PCDH9: variants seen among roughly 807,000 people sequenced by gnomAD.
PCDH9 encodes the protein protocadherin-9.
PCDH9 carries 24 observed loss-of-function variants against 70.6 expected under a neutral mutation model. The observed-to-expected ratio is 0.34, with a 90% CI of 0.25 to 0.48. The LOEUF is 0.48. Ranked by LOEUF, PCDH9 falls within the 20% of genes least tolerant of loss-of-function variation. The probability of loss-of-function intolerance (pLI) is 0.99; values close to 1 mark genes in which losing one functional copy is unlikely to be tolerated. For missense variants in PCDH9, 1,281 were observed against 1,503.6 expected, an observed-to-expected ratio of 0.85 and a Z score of 2.45; for synonymous variants, 562 against 558.5, an observed-to-expected ratio of 1.01 and a Z score of -0.09.
At chr13:66,780,511 A>G (rs1238838741) in intron 3 of PCDH9, among the ~76,000 whole-genome samples, 2 of 152,232 alleles carry the variant, frequency 1.3e-5, no homozygotes, top group Admixed American at 6.5e-5. Flanking sequence ...CTCAAATGCC[A>G]TTCTTTCAGA....
intron 3 of PCDH9, among the ~76,000 whole-genome samples, chr13:66,848,106 T>C (rs1239703784): frequency 6.6e-6 from 1 of 152,200 alleles, no homozygotes; most frequent in Non-Finnish European, 1.5e-5. Context: ...GTATCTCCTA[T>C]ATCCATGCCT....
At chr13:66,681,664 C>T (rs908683775) in intron 3 of PCDH9, among the ~76,000 whole-genome samples, 4 of 152,066 alleles carry the variant, frequency 2.6e-5, no homozygotes, top group Non-Finnish European at 5.9e-5. Flanking sequence ...TGCCTGACTG[C>T]TTCCTTTTAT....
In PCDH9 at chr13:66,364,048, G is replaced by C. The variant is rs140863268; in HGVS notation, c.3341-59020C>G. 5.0e-3 allele frequency among the ~76,000 whole-genome samples: 756 copies of C among 152,056 alleles called. 22 individuals carry two copies. The East Asian group carries it at 0.074, about 15-fold the overall frequency. On this transcript the variant is annotated intron_variant, in intron 4 of 4. Transcript: ENST00000377865. ...CAGGCACCTGTAATCCCAGCTACTC[G>C]GGAAGCTGAGGCAGGAGAATCTCTT...
chr13:67,050,041 G>A (rs1459868731), intron 2 of PCDH9, among the ~76,000 whole-genome samples: 1 of 152,176 alleles, frequency 6.6e-6, no homozygotes, highest in African/African-American at 2.4e-5. Flanking sequence ...AAGATTTCCT[G>A]CAGGTTCTCC....
At chr13:66,373,522 T>C (rs1378818999) in intron 4 of PCDH9, among the ~76,000 whole-genome samples, 2 of 151,888 alleles carry the variant, frequency 1.3e-5, no homozygotes, top group South Asian at 2.1e-4. Flanking sequence ...CTAAATTTTT[T>C]AATTAAAAAA....
chr13:66,511,788 T>G (rs1230470552), intron 4 of PCDH9, among the ~76,000 whole-genome samples: 2 of 152,166 alleles, frequency 1.3e-5, no homozygotes, highest in Admixed American at 1.3e-4. Flanking sequence ...CCATGTGATA[T>G]ACCTGCTCTT....
chr13:67,120,236 T>A (rs979965461), intron 2 of PCDH9, among the ~76,000 whole-genome samples: 1 of 145,310 alleles, frequency 6.9e-6, no homozygotes, highest in African/African-American at 2.5e-5. Flanking sequence ...ATTGATATCC[T>A]GAAAAAGGCT....
chr13:66,980,078 CT>C (rs2083707689), intron 2 of PCDH9, among the ~76,000 whole-genome samples: 1 of 147,018 alleles, frequency 6.8e-6, no homozygotes, highest in Non-Finnish European at 1.5e-5. Context: ...AATTATCCAT[CT>C]CTATCTATCT....
At chr13:67,101,850 T>C (rs542646907) in intron 2 of PCDH9, among the ~76,000 whole-genome samples, 1 of 152,096 alleles carries the variant, frequency 6.6e-6, no homozygotes, top group Non-Finnish European at 1.5e-5. Flanking sequence ...GGATAACTAA[T>C]AGTGTTAAAT....
chr13:66,655,303 T>C (rs1200180201), intron 3 of PCDH9, among the ~76,000 whole-genome samples: 2 of 152,120 alleles, frequency 1.3e-5, no homozygotes, highest in Non-Finnish European at 2.9e-5. Context: ...AAAAGAGCTG[T>C]ACAGAATAAG....
At chr13:66,816,693 C>G (rs1268586610) in intron 3 of PCDH9, among the ~76,000 whole-genome samples, 1 of 152,042 alleles carries the variant, frequency 6.6e-6, no homozygotes, top group East Asian at 1.9e-4. Context: ...GAGGCCAAGG[C>G]AGGTGGATCA....
intron 2 of PCDH9, among the ~76,000 whole-genome samples, chr13:66,936,056 G>C (rs1392061103): frequency 6.6e-6 from 1 of 152,180 alleles, no homozygotes; most frequent in Non-Finnish European, 1.5e-5. Flanking sequence ...CTGCACTCCA[G>C]CTTGGCAACA....
chr13:66,707,798 T>C (rs563520736), intron 3 of PCDH9, among the ~76,000 whole-genome samples: 87 of 152,338 alleles, frequency 5.7e-4, no homozygotes, highest in African/African-American at 2.0e-3. Flanking sequence ...TCACAATGTA[T>C]TGAATTACCA....
chr13:66,763,580 C>T (rs2079661836), intron 3 of PCDH9, among the ~76,000 whole-genome samples: 1 of 151,926 alleles, frequency 6.6e-6, no homozygotes, highest in African/African-American at 2.4e-5. Flanking sequence ...AATTATCTTG[C>T]CACAGTAAGT....
At chr13:66,758,921 T>C (rs963026233) in intron 3 of PCDH9, among the ~76,000 whole-genome samples, 3 of 152,060 alleles carry the variant, frequency 2.0e-5, no homozygotes, top group African/African-American at 7.2e-5. Context: ...TAATTGTTCA[T>C]AATAATCTCT....
chr13:66,772,172 A>C (rs1196207142), intron 3 of PCDH9, among the ~76,000 whole-genome samples: 1 of 152,192 alleles, frequency 6.6e-6, no homozygotes, highest in Non-Finnish European at 1.5e-5. Flanking sequence ...ATGCAATAAA[A>C]CAACTTTATT....
chr13:66,448,011 A>C (rs1958130893), intron 4 of PCDH9, among the ~76,000 whole-genome samples: 1 of 152,148 alleles, frequency 6.6e-6, no homozygotes, highest in Non-Finnish European at 1.5e-5. Context: ...TTAATCATTT[A>C]GTTATCACAC....
chr13:66,583,741 G>A (rs1443868555), intron 4 of PCDH9, among the ~76,000 whole-genome samples: 1 of 152,166 alleles, frequency 6.6e-6, no homozygotes, highest in Non-Finnish European at 1.5e-5. Context: ...GCGTAAGAAT[G>A]CTACTTCCAC....
chr13:66,315,610 TAGCTGGGATTA>T (rs1331411594), intron 4 of PCDH9, among the ~76,000 whole-genome samples: 1 of 152,166 alleles, frequency 6.6e-6, no homozygotes, highest in Non-Finnish European at 1.5e-5. Context: ...GCCTCCTGAG[TAGCTGGGATTA>T]GAGGCGTGTG....
Sources: gnomAD v4.1 joint callset for allele counts (sites outside exome capture counted in the v4.1 genomes callset) on GRCh38, gnomAD v4.1.1 for gene constraint, MANE v1.5 for transcripts, NCBI Gene and HGNC (gene_info 2026-07-23, HGNC 2026-07-21) for gene names.